PDE1A: variants seen among roughly 807,000 people sequenced by gnomAD.
The protein encoded by PDE1A is dual specificity calcium/calmodulin-dependent 3',5'-cyclic nucleotide phosphodiesterase 1A.
A neutral mutation model predicts 61.7 loss-of-function variants in PDE1A; 35 were observed. The observed-to-expected ratio is 0.57, with a 90% CI of 0.43 to 0.75. The LOEUF is 0.75. Among genes scored for constraint, PDE1A ranks in the 30% least tolerant of loss-of-function variants. PDE1A has a pLI of 0.00. For synonymous variants in PDE1A, 232 were observed against 213.2 expected, an observed-to-expected ratio of 1.09 and a Z score of -0.77; for missense variants, 597 against 630.6, an observed-to-expected ratio of 0.95 and a Z score of 0.57.
At chr2:182,293,577 G>C (rs1475072763) in intron 1 of PDE1A, among the ~76,000 whole-genome samples, 1 of 151,990 alleles carries the variant, frequency 6.6e-6, no homozygotes, top group Non-Finnish European at 1.5e-5. Flanking sequence ...TAATACAATA[G>C]TGTCCCCTCA....
chr2:182,699,100 G>A, the PDE1A span, among the ~76,000 whole-genome samples: 1 of 152,138 alleles, frequency 6.6e-6, no homozygotes, highest in African/African-American at 2.4e-5. Context: ...ATTGATCCCT[G>A]TTGAACTCAG....
intron 3 of PDE1A, among the ~76,000 whole-genome samples, chr2:182,238,416 A>C (rs963679097): frequency 1.3e-5 from 2 of 152,116 alleles, no homozygotes; most frequent in Admixed American, 1.3e-4. Context: ...TTCTGAAGGC[A>C]GATAGTGGAG....
At chr2:182,157,009 A>ATTTTTTTTTT (rs1691121771) in intron 13 of PDE1A, among the ~76,000 whole-genome samples, 1 of 133,760 alleles carries the variant, frequency 7.5e-6, no homozygotes, top group South Asian at 2.2e-4. Context: ...ATTTTATTTT[A>ATTTTTTTTTT]TTTTATTTTA....
At chr2:182,386,238 C>T (rs1027118434) in intron 1 of PDE1A, among the ~76,000 whole-genome samples, 4 of 152,074 alleles carry the variant, frequency 2.6e-5, no homozygotes, top group African/African-American at 7.2e-5. Flanking sequence ...CCCAAAGTGC[C>T]GAGATTACAG....
intron 1 of PDE1A, among the ~76,000 whole-genome samples, chr2:182,280,657 T>A (rs1405824062): frequency 6.6e-6 from 1 of 151,924 alleles, no homozygotes; most frequent in East Asian, 1.9e-4. Flanking sequence ...TTCCTTCTGT[T>A]TACATTTTTC....
chr2:182,286,994 C>T (rs1694208574), intron 1 of PDE1A, among the ~76,000 whole-genome samples: 1 of 152,070 alleles, frequency 6.6e-6, no homozygotes, highest in African/African-American at 2.4e-5. Context: ...CAATGTCTTT[C>T]AGTAGGGCAT....
At chr2:182,696,695 G>C in the PDE1A span, among the ~76,000 whole-genome samples, 61 of 152,246 alleles carry the variant, frequency 4.0e-4, no homozygotes, top group African/African-American at 1.4e-3. Flanking sequence ...GTTGACAATG[G>C]GGGAGGATGT....
intron 1 of PDE1A, among the ~76,000 whole-genome samples, chr2:182,401,771 A>G (rs1377545795): frequency 6.6e-6 from 1 of 152,220 alleles, no homozygotes; most frequent in East Asian, 1.9e-4. Context: ...GTATATTTAG[A>G]AAACCTCACT....
At chr2:182,335,224 T>C (rs1697716952) in intron 1 of PDE1A, among the ~76,000 whole-genome samples, 1 of 152,200 alleles carries the variant, frequency 6.6e-6, no homozygotes, top group Non-Finnish European at 1.5e-5. Flanking sequence ...GCTATCCCCA[T>C]CAAGCTACCA....
chr2:182,399,113 A>AT (rs546739263), intron 1 of PDE1A, among the ~76,000 whole-genome samples: 2 of 151,798 alleles, frequency 1.3e-5, no homozygotes, highest in African/African-American at 4.8e-5. Context: ...TCTCTTTAAA[A>AT]TTTTTTTTGT....
chr2:182,335,923 A>T (rs984163400), intron 1 of PDE1A, among the ~76,000 whole-genome samples: 1 of 152,224 alleles, frequency 6.6e-6, no homozygotes, highest in Non-Finnish European at 1.5e-5. Context: ...ATTTACAAGA[A>T]AAAAATAAAC....
chr2:182,547,618 G>C, the PDE1A span, among the ~76,000 whole-genome samples: 4 of 152,116 alleles, frequency 2.6e-5, no homozygotes, highest in African/African-American at 9.7e-5. Flanking sequence ...TGCATAGGAA[G>C]TGTACATAGG....
chr2:182,406,685 G>GAATT (rs1364393205), intron 1 of PDE1A, among the ~76,000 whole-genome samples: 1 of 151,960 alleles, frequency 6.6e-6, no homozygotes, highest in Non-Finnish European at 1.5e-5. Context: ...CATGAAATGA[G>GAATT]ATAATAATAA....
chr2:182,381,588 C>G (rs1460868957), intron 1 of PDE1A, among the ~76,000 whole-genome samples: 3 of 152,086 alleles, frequency 2.0e-5, no homozygotes, highest in African/African-American at 7.2e-5. Context: ...CGGAGGCGAG[C>G]AGATCACGAG....
At chr2:182,664,043 C>T in the PDE1A span, among the ~76,000 whole-genome samples, 1 of 151,814 alleles carries the variant, frequency 6.6e-6, no homozygotes, top group Non-Finnish European at 1.5e-5. Flanking sequence ...AAAAACAGTC[C>T]AAAAGAATAA....
the PDE1A span, among the ~76,000 whole-genome samples, chr2:182,534,171 T>C: frequency 5.3e-5 from 8 of 152,034 alleles, no homozygotes; most frequent in African/African-American, 1.9e-4. Flanking sequence ...ATGCACAGTT[T>C]CCCATTCCCT....
In PDE1A at chr2:182,247,202, GAAA is replaced by G. The variant is rs11408095; in HGVS notation, c.168-6913_168-6911del. Among the ~76,000 whole-genome samples the G allele has an allele frequency of 3.5e-4, 52 of 146,830 alleles. No individual in the cohort carries two copies. The East Asian group carries it at 5.6e-3, about 16-fold the overall frequency. On this transcript the variant is annotated intron_variant, in intron 2 of 13. Transcript: ENST00000351439. ...TGGGGAAACATATATATTTGGTGTA[GAAA>G]AAAAAAACTAAACATTTTTGATAGC... is the stretch of plus-strand genomic sequence containing the variant.
the PDE1A span, among the ~76,000 whole-genome samples, chr2:182,529,146 C>T: frequency 6.6e-6 from 1 of 152,174 alleles, no homozygotes; most frequent in Non-Finnish European, 1.5e-5. Flanking sequence ...GGATAGGTAC[C>T]ACAGACTCTC....
intron 6 of PDE1A, among the ~76,000 whole-genome samples, chr2:182,228,084 C>G (rs1429708682): frequency 6.6e-6 from 1 of 152,098 alleles, no homozygotes; most frequent in Non-Finnish European, 1.5e-5. Context: ...GGTGACTTGA[C>G]AGCACTTTAT....
Sources: gnomAD v4.1 joint callset for allele counts (sites outside exome capture counted in the v4.1 genomes callset) on GRCh38, gnomAD v4.1.1 for gene constraint, MANE v1.5 for transcripts, NCBI Gene and HGNC (gene_info 2026-07-23, HGNC 2026-07-21) for gene names.